The following XKR6 variants were observed in gnomAD, a reference collection of about 807,000 sequenced individuals.
XKR6 encodes XK-related protein 6.
In XKR6, 22 loss-of-function variants were observed where a neutral mutation model predicts 56.7. The ratio of observed to expected loss-of-function variants is 0.39; its 90% CI spans 0.28 to 0.55. The LOEUF (loss-of-function observed/expected upper bound fraction) is 0.55. Among genes scored for constraint, XKR6 ranks in the 20% least tolerant of loss-of-function variants. The pLI is 0.66. For missense variants in XKR6, 852 were observed against 889.0 expected, an observed-to-expected ratio of 0.96 and a Z score of 0.53; for synonymous variants, 524 against 387.8, an observed-to-expected ratio of 1.35 and a Z score of -4.13.
intron 1 of XKR6, among the ~76,000 whole-genome samples, chr8:11,020,634 C>T (rs1437391647): frequency 6.6e-6 from 1 of 152,212 alleles, no homozygotes; most frequent in Non-Finnish European, 1.5e-5. Flanking sequence ...AGCTTCCTTT[C>T]CCTCCTTTGG....
intron 1 of XKR6, among the ~76,000 whole-genome samples, chr8:10,993,543 T>C (rs1798041529): frequency 6.6e-6 from 1 of 152,216 alleles, no homozygotes; most frequent in African/African-American, 2.4e-5. Flanking sequence ...GCTGCAGTGC[T>C]CAGCCGTTCC....
At chr8:10,901,820 T>C (rs1406769268) in intron 2 of XKR6, among the ~76,000 whole-genome samples, 3 of 152,178 alleles carry the variant, frequency 2.0e-5, no homozygotes, top group Non-Finnish European at 4.4e-5. Context: ...TTGAGCAGAC[T>C]TGGGGTGCAG....
At chr8:11,133,779 G>C (rs1204111517) in intron 1 of XKR6, among the ~76,000 whole-genome samples, 2 of 152,030 alleles carry the variant, frequency 1.3e-5, no homozygotes, top group Admixed American at 1.3e-4. Flanking sequence ...AGAAATGTCA[G>C]GTCTTACAAC....
chr8:10,910,970 C>A (rs547256791), intron 2 of XKR6, among the ~76,000 whole-genome samples: 84 of 152,230 alleles, frequency 5.5e-4, no homozygotes, highest in African/African-American at 2.0e-3. Flanking sequence ...CATTGAGGAG[C>A]AACAGCCCAC....
chr8:10,903,981 T>C (rs1415598242), intron 2 of XKR6, among the ~76,000 whole-genome samples: 5 of 152,110 alleles, frequency 3.3e-5, no homozygotes, highest in African/African-American at 1.2e-4. Context: ...AGTCAATGCG[T>C]TCTCCTAGGT....
intron 1 of XKR6, among the ~76,000 whole-genome samples, chr8:11,092,153 C>T (rs1157182143): frequency 1.3e-5 from 2 of 152,146 alleles, no homozygotes; most frequent in African/African-American, 2.4e-5. Flanking sequence ...TGCCAAATGA[C>T]CTCATGCCAA....
chr8:10,999,291 T>C (rs1798186324), intron 1 of XKR6, among the ~76,000 whole-genome samples: 1 of 152,222 alleles, frequency 6.6e-6, no homozygotes, highest in African/African-American at 2.4e-5. Context: ...TGCATGAAAA[T>C]ACTGCACAGG....
chr8:11,056,843 G>A (rs1413734848), intron 1 of XKR6, among the ~76,000 whole-genome samples: 2 of 152,164 alleles, frequency 1.3e-5, no homozygotes, highest in African/African-American at 4.8e-5. Context: ...TCCAGCCAGG[G>A]GATCAGCTGG....
chr8:11,176,382 G>A (rs1459729468), intron 1 of XKR6, among the ~76,000 whole-genome samples: 1 of 152,142 alleles, frequency 6.6e-6, no homozygotes, highest in African/African-American at 2.4e-5. Context: ...ATGAAGATCT[G>A]TTACGTGTAC....
intron 1 of XKR6, among the ~76,000 whole-genome samples, chr8:11,128,381 T>C (rs901657974): frequency 2.0e-5 from 3 of 152,190 alleles, no homozygotes; most frequent in Admixed American, 6.5e-5. Flanking sequence ...ACGCTCCAGA[T>C]TTTATAGGTC....
At chr8:11,113,617 C>T (rs891308438) in intron 1 of XKR6, among the ~76,000 whole-genome samples, 55 of 152,006 alleles carry the variant, frequency 3.6e-4, no homozygotes, top group African/African-American at 1.2e-3. Flanking sequence ...GTCTAAAAAC[C>T]TGTAAGTCTG....
intron 2 of XKR6, among the ~76,000 whole-genome samples, chr8:10,921,963 G>A (rs560382199): frequency 3.9e-5 from 6 of 152,322 alleles, no homozygotes; most frequent in South Asian, 2.1e-4. Context: ...CCTCTCTAGC[G>A]AATGGGATTG....
chr8:10,993,620 G>A (rs1023674540), intron 1 of XKR6, among the ~76,000 whole-genome samples: 10 of 152,230 alleles, frequency 6.6e-5, no homozygotes, highest in Non-Finnish European at 1.5e-4. Flanking sequence ...CTAAGCAGGG[G>A]AGAGGCTGGG....
chr8:11,090,370 G>A (rs891565899), intron 1 of XKR6, among the ~76,000 whole-genome samples: 2 of 151,632 alleles, frequency 1.3e-5, no homozygotes, highest in African/African-American at 4.8e-5. Context: ...TTACAGGTGT[G>A]AGCCACTGCA....
Position 11,193,424 on chromosome 8 carries a change from A to G in XKR6, c.764+7152T>C, listed in dbSNP as rs75553373. ...AAAATAATACAATATACCAAGATCT[A>G]CCCACATTAGAAATACAGAAATGAA... On this transcript the variant is annotated intron_variant, in intron 1 of 2. Transcript: ENST00000416569. Among the ~76,000 whole-genome samples the G allele has an allele frequency of 2.5e-3, 387 of 152,328 alleles. 3 individuals carry two copies. Among genetic ancestry groups the G allele is most frequent in the Admixed American group, 4.2e-3 (64 of 15,304 alleles).
At chr8:10,986,829 G>A (rs1334589126) in intron 1 of XKR6, among the ~76,000 whole-genome samples, 1 of 151,726 alleles carries the variant, frequency 6.6e-6, no homozygotes, top group East Asian at 1.9e-4. Context: ...TGCCACCCAG[G>A]CTGGAGTGCA....
intron 1 of XKR6, among the ~76,000 whole-genome samples, chr8:11,060,427 C>A (rs1480757405): frequency 6.6e-6 from 1 of 152,254 alleles, no homozygotes; most frequent in Non-Finnish European, 1.5e-5. Flanking sequence ...CGCAGCCCCG[C>A]AGTGCCTTGA....
intron 1 of XKR6, chr8:11,175,695 G>A (rs1802621405): frequency 6.6e-6 from 1 of 152,182 alleles, no homozygotes; most frequent in South Asian, 2.1e-4. Flanking sequence ...TTATCTACCT[G>A]AAGATAATTA....
intron 1 of XKR6, among the ~76,000 whole-genome samples, chr8:10,953,483 C>T (rs1801789512): frequency 1.3e-5 from 2 of 152,122 alleles, no homozygotes; most frequent in Non-Finnish European, 2.9e-5. Context: ...AACTGTGAGC[C>T]AATTAAATCT....
Sources: allele counts gnomAD v4.1 joint callset (sites outside exome capture counted in the v4.1 genomes callset), GRCh38; gene constraint gnomAD v4.1.1; transcripts MANE v1.5; gene names NCBI Gene and HGNC (gene_info 2026-07-23, HGNC 2026-07-21).